Variants in DNM3 observed in about 807,000 individuals in gnomAD.
DNM3 encodes the protein dynamin-3.
In DNM3, 47 loss-of-function variants were observed where a neutral mutation model predicts 101.6. The ratio of observed to expected loss-of-function variants is 0.46; its 90% CI spans 0.37 to 0.59. The LOEUF is 0.59. Among genes scored for constraint, DNM3 ranks in the 20% least tolerant of loss-of-function variants. DNM3 has a pLI of 0.00. For synonymous variants in DNM3, 385 were observed against 387.9 expected (o/e 0.99, Z 0.09); for missense variants, 849 against 1,085.7 (o/e 0.78, Z 3.06).
intron 15 of DNM3, among the ~76,000 whole-genome samples, chr1:172,263,199 C>A (rs2062733192): frequency 6.6e-6 from 1 of 152,146 alleles, no homozygotes; most frequent in Non-Finnish European, 1.5e-5. Flanking sequence ...GAAGGTCAAC[C>A]TTTGATTCAG....
chr1:171,943,676 C>T (rs2041966821), intron 2 of DNM3, among the ~76,000 whole-genome samples: 1 of 152,194 alleles, frequency 6.6e-6, no homozygotes, highest in African/African-American at 2.4e-5. Context: ...CAATCTATAT[C>T]TGATATGTAT....
intron 2 of DNM3, chr1:171,987,208 C>T (rs1172465820): frequency 1.9e-5 from 12 of 634,192 alleles, no homozygotes; most frequent in Non-Finnish European, 2.4e-5. Context: ...AAATGATTTC[C>T]CTTAACTTAT....
chr1:172,174,689 A>G (rs1032106185), intron 14 of DNM3, among the ~76,000 whole-genome samples: 46 of 151,806 alleles, frequency 3.0e-4, no homozygotes, highest in African/African-American at 1.0e-3. Flanking sequence ...AATGATGTCT[A>G]CTGAGGGAAG....
chr1:172,053,555 G>T (rs528942401), intron 10 of DNM3, among the ~76,000 whole-genome samples: 1 of 151,826 alleles, frequency 6.6e-6, no homozygotes, highest in Non-Finnish European at 1.5e-5. Context: ...AAAAAAAGGC[G>T]CTGTGTTTTT....
intron 4 of DNM3, among the ~76,000 whole-genome samples, chr1:171,992,820 T>A (rs535181049): frequency 2.2e-4 from 33 of 152,248 alleles, no homozygotes; most frequent in Admixed American, 1.9e-3. Flanking sequence ...TCCTTTTGTG[T>A]TAAATATTTA....
At chr1:172,063,282 A>G (rs578153833) in intron 10 of DNM3, among the ~76,000 whole-genome samples, 27 of 152,156 alleles carry the variant, frequency 1.8e-4, no homozygotes, top group Non-Finnish European at 3.1e-4. Flanking sequence ...ATGTACTAGC[A>G]TAGCGTAGAT....
intron 15 of DNM3, among the ~76,000 whole-genome samples, chr1:172,267,448 AG>A (rs1381412226): frequency 2.0e-5 from 3 of 152,232 alleles, no homozygotes; most frequent in Admixed American, 6.5e-5. Context: ...AAATAGTTTG[AG>A]GACAAAAGGA....
rs1311277477 is a variant in DNM3, at chr1:172,407,996, C to T, written c.*155C>T. The T allele has an allele frequency of 4.7e-6, 7 of 1,489,256 alleles. No homozygotes were observed. The highest frequency in any genetic ancestry group is 1.4e-5 in the African/African-American group (1 of 71,664). 92.3% of individuals were successfully genotyped at this position (1,489,256 alleles called of 1,614,324 possible). A position where few individuals can be genotyped will look rare whatever the true frequency, so the allele number is the denominator to read the frequency against. ...GCATTCATCGCTCATCTTCATTGCT[C>T]ATGGTATGTCAAACCTTTGGGGTTT... On this transcript the variant is annotated 3_prime_UTR_variant, in exon 21 of 21. Coordinates refer to ENST00000627582, the MANE Select transcript of DNM3 (RefSeq NM_015569.5).
chr1:171,947,515 A>G lies in DNM3; in HGVS notation c.235+25694A>G, dbSNP rs945088193. 4.6e-5 allele frequency among the ~76,000 whole-genome samples: 7 copies of G among 152,204 alleles called. No individual in the cohort carries two copies. In the East Asian group the frequency reaches 1.3e-3, roughly 29 times the overall value. ...CAGCCTGAAAAAATCAGTATTTCTC[A>G]GCAAATACTGGAGCTGTTATATTTG... is the stretch of plus-strand genomic sequence containing the variant. On this transcript the variant is annotated intron_variant, in intron 2 of 20. Transcript: ENST00000627582.
chr1:172,399,489 G>A (rs2070293946), intron 20 of DNM3, among the ~76,000 whole-genome samples: 1 of 152,142 alleles, frequency 6.6e-6, no homozygotes, highest in African/African-American at 2.4e-5. Context: ...GAGGAGGCTC[G>A]TGGAAGGGAG....
At chr1:172,171,261 C>A (rs1246109200) in intron 14 of DNM3, among the ~76,000 whole-genome samples, 2 of 151,712 alleles carry the variant, frequency 1.3e-5, no homozygotes, top group Admixed American at 6.6e-5. Flanking sequence ...CTTCTTTATT[C>A]AAGTTCAACT....
chr1:172,293,486 G>A (rs1372299826), intron 15 of DNM3, among the ~76,000 whole-genome samples: 2 of 152,190 alleles, frequency 1.3e-5, no homozygotes, highest in African/African-American at 2.4e-5. Context: ...TTATTCAGAA[G>A]CTCATATCTG....
intron 14 of DNM3, among the ~76,000 whole-genome samples, chr1:172,229,805 G>A (rs1230475442): frequency 6.6e-6 from 1 of 151,826 alleles, no homozygotes; most frequent in African/African-American, 2.4e-5. Flanking sequence ...AGAATTTCTA[G>A]CTTCTCCTCA....
intron 4 of DNM3, among the ~76,000 whole-genome samples, chr1:172,016,673 T>C (rs2047476684): frequency 6.6e-6 from 1 of 152,212 alleles, no homozygotes; most frequent in Non-Finnish European, 1.5e-5. Flanking sequence ...AAAATTGGTA[T>C]GATTTCTTTC....
At chr1:171,958,448 C>T (rs1323739141) in intron 2 of DNM3, among the ~76,000 whole-genome samples, 1 of 152,114 alleles carries the variant, frequency 6.6e-6, no homozygotes, top group African/African-American at 2.4e-5. Context: ...TGTGATGTTC[C>T]TGAAAGTGAG....
At chr1:172,080,117 G>C (rs2053017621) in intron 11 of DNM3, among the ~76,000 whole-genome samples, 1 of 152,178 alleles carries the variant, frequency 6.6e-6, no homozygotes, top group Admixed American at 6.5e-5. Context: ...CCCACTTGAG[G>C]AGGCAGTCTG....
intron 17 of DNM3, among the ~76,000 whole-genome samples, chr1:172,357,078 G>A (rs1003167504): frequency 1.4e-4 from 21 of 151,990 alleles, no homozygotes; most frequent in African/African-American, 5.1e-4. Context: ...ACAGTTGAAT[G>A]AGTAATTATA....
chr1:172,192,935 C>T (rs1308149946), intron 14 of DNM3, among the ~76,000 whole-genome samples: 1 of 151,268 alleles, frequency 6.6e-6, no homozygotes, highest in Middle Eastern at 3.4e-3. Context: ...AGTTCTAGAT[C>T]CCTGAGGAAT....
At chr1:172,270,328 T>C (rs2063037607) in intron 15 of DNM3, among the ~76,000 whole-genome samples, 1 of 151,776 alleles carries the variant, frequency 6.6e-6, no homozygotes, top group Admixed American at 6.6e-5. Flanking sequence ...ATAATTGAGC[T>C]ACTTCAATCA....
Sources: allele counts gnomAD v4.1 joint callset (sites outside exome capture counted in the v4.1 genomes callset), GRCh38; gene constraint gnomAD v4.1.1; transcripts MANE v1.5; gene names NCBI Gene and HGNC (gene_info 2026-07-23, HGNC 2026-07-21).